The following ANKRD13C variants were observed in gnomAD, a reference collection of about 807,000 sequenced individuals.
ANKRD13C encodes ankyrin repeat domain 13C, also known as ankyrin repeat domain-containing protein 13C.
ANKRD13C carries 16 observed loss-of-function variants against 65.5 expected under a neutral mutation model. The ratio of observed to expected loss-of-function variants is 0.24; its 90% CI spans 0.17 to 0.37. ANKRD13C has a LOEUF of 0.37. ANKRD13C is among the 10% of genes least tolerant of loss of function. ANKRD13C has a pLI of 1.00. For synonymous variants in ANKRD13C, 235 were observed against 238.7 expected, an observed-to-expected ratio of 0.98 and a Z score of 0.14; for missense variants, 503 against 655.9, an observed-to-expected ratio of 0.77 and a Z score of 2.55.
chr1:70,318,190 G>A (rs1460674726), intron 3 of ANKRD13C, among the ~76,000 whole-genome samples: 1 of 152,160 alleles, frequency 6.6e-6, no homozygotes, highest in Non-Finnish European at 1.5e-5. Flanking sequence ...ATCAGTATTT[G>A]TATTCCCATA....
chr1:70,268,180 C>G (rs1370577170), intron 12 of ANKRD13C, among the ~76,000 whole-genome samples: 2 of 151,616 alleles, frequency 1.3e-5, no homozygotes, highest in African/African-American at 4.9e-5. Context: ...TTCCCCGCCC[C>G]CACCTTGAGA....
At chr1:70,323,372 C>T (rs893630753) in intron 3 of ANKRD13C, among the ~76,000 whole-genome samples, 4 of 152,094 alleles carry the variant, frequency 2.6e-5, no homozygotes, top group African/African-American at 4.8e-5. Context: ...AGGCTGAGCA[C>T]GGTGGCTCAT....
intron 12 of ANKRD13C, among the ~76,000 whole-genome samples, chr1:70,267,433 G>T (rs147937941): frequency 8.2e-4 from 125 of 152,086 alleles, no homozygotes; most frequent in African/African-American, 2.9e-3. Flanking sequence ...ACAGTGGCGC[G>T]ATCTTGGCTC....
In ANKRD13C at chr1:70,334,821, G is replaced by A. The variant is rs113851066; in HGVS notation, c.472+1237C>T. Among the ~76,000 whole-genome samples, 825 of 151,816 alleles carry A rather than the reference G, an allele frequency of 5.4e-3. 9 individuals are homozygous for A. The highest frequency in any genetic ancestry group is 0.019 in the African/African-American group (782 of 41,410). On this transcript the variant is annotated intron_variant, in intron 2 of 12. Coordinates refer to ENST00000370944, the MANE Select transcript of ANKRD13C (RefSeq NM_030816.5). ...CTCCGGAGGCTGAGGCAGGAGAGTC[G>A]CTTGAACCTGGGAGGCAGAGATTGT...
intron 2 of ANKRD13C, among the ~76,000 whole-genome samples, chr1:70,326,043 C>G (rs999396112): frequency 6.6e-6 from 1 of 151,602 alleles, no homozygotes; most frequent in Non-Finnish European, 1.5e-5. Flanking sequence ...ACCAGCCTAG[C>G]CAACATGGAG....
At chr1:70,325,092 T>C (rs1284490623) in intron 2 of ANKRD13C, 135 bp from the exon 3 acceptor site, 3 of 550,134 alleles carry the variant, frequency 5.5e-6, no homozygotes, top group Non-Finnish European at 8.6e-6. Context: ...AATTATGTAA[T>C]TTGAAAAATT....
In ANKRD13C at chr1:70,274,199, C is replaced by T. The variant is rs187768574; in HGVS notation, c.1394+521G>A. ...TAATTTAAAAACCTACTCGGCTGGGCGTGGTGGCTCACGCCTGTAATCCCA... is the reference window on the plus strand; with the variant it reads ...TAATTTAAAAACCTACTCGGCTGGGTGTGGTGGCTCACGCCTGTAATCCCA... On this transcript the variant is annotated intron_variant, in intron 11 of 12. Coordinates refer to ENST00000370944, the MANE Select transcript of ANKRD13C (RefSeq NM_030816.5). Among the ~76,000 whole-genome samples the T allele has an allele frequency of 5.3e-5, 8 of 151,244 alleles. No individual in the cohort carries two copies. In the East Asian group the frequency reaches 9.9e-4, roughly 19 times the overall value.
intron 3 of ANKRD13C, among the ~76,000 whole-genome samples, chr1:70,315,944 T>C (rs1316507717): frequency 1.3e-5 from 2 of 152,216 alleles, no homozygotes; most frequent in Non-Finnish European, 2.9e-5. Context: ...ACTAGTTTTT[T>C]AATTATCAGT....
At chr1:70,339,152 G>C (rs992523426) in intron 1 of ANKRD13C, among the ~76,000 whole-genome samples, 3 of 150,098 alleles carry the variant, frequency 2.0e-5, no homozygotes, top group Non-Finnish European at 3.0e-5. Context: ...AGAGGTTGCA[G>C]TAAGCCGAGA....
chr1:70,275,965 A>G (rs1208991270), intron 10 of ANKRD13C, among the ~76,000 whole-genome samples: 2 of 150,222 alleles, frequency 1.3e-5, no homozygotes, highest in Non-Finnish European at 3.0e-5. Flanking sequence ...CCATCTCAAA[A>G]AAAAAAAAAA....
rs576463708 is a variant in ANKRD13C at position 70,314,795 on chromosome 1, A to G, written c.663+686T>C. 9.3e-4 allele frequency among the ~76,000 whole-genome samples: 142 copies of G among 151,982 alleles called. 1 individual carries two copies. The South Asian group carries it at 0.028, about 30-fold the overall frequency. On this transcript the variant is annotated intron_variant, in intron 4 of 12. Transcript: ENST00000370944. The stretch of plus-strand genomic sequence containing the variant: ...ACAAGCTATCATCATAATCATCATG[A>G]CAGGTCTATCTTTCTCCCACAGTTC...
intron 2 of ANKRD13C, among the ~76,000 whole-genome samples, chr1:70,335,067 CAG>C (rs1681961677): frequency 6.6e-6 from 1 of 151,768 alleles, no homozygotes; most frequent in Non-Finnish European, 1.5e-5. Context: ...AAAATCTTAA[CAG>C]AAGTTCATTA....
chr1:70,270,089 G>C (rs1678812761), intron 12 of ANKRD13C, among the ~76,000 whole-genome samples: 1 of 152,168 alleles, frequency 6.6e-6, no homozygotes, highest in African/African-American at 2.4e-5. Flanking sequence ...CATTGCTTAA[G>C]ATGAAATTAA....
At chr1:70,262,870 A>G (rs1427844827) in intron 12 of ANKRD13C, 23 bp from the exon 13 acceptor site, 3 of 1,599,622 alleles carry the variant, frequency 1.9e-6, no homozygotes, top group East Asian at 4.5e-5. Flanking sequence ...CATCAATGAT[A>G]GCATTGTAAA....
chr1:70,291,904 A>G (rs924904310), intron 9 of ANKRD13C, among the ~76,000 whole-genome samples: 242 of 152,220 alleles, frequency 1.6e-3, no homozygotes, highest in African/African-American at 5.6e-3. Flanking sequence ...AGATCACTTG[A>G]GGTCAGGAGT....
Position 70,323,420 on chromosome 1 carries a change from G to A in ANKRD13C, c.577+1433C>T, listed in dbSNP as rs1215559598. Among the ~76,000 whole-genome samples the A allele has an allele frequency of 2.0e-5, 3 of 152,002 alleles. No individual in the cohort carries two copies. In the East Asian group the frequency reaches 5.9e-4, roughly 30 times the overall value. On this transcript the variant is annotated intron_variant, in intron 3 of 12. Coordinates refer to ENST00000370944, the MANE Select transcript of ANKRD13C (RefSeq NM_030816.5). The stretch of plus-strand genomic sequence containing the variant: ...AGCACTTTGGGAGGCCAAGGTGGGC[G>A]GATCACGTGGTCAGGAGTTTAAGAC...
At chr1:70,276,955 A>G (rs1385332931) in intron 9 of ANKRD13C, 111 bp from the exon 10 acceptor site, 1 of 849,738 alleles carries the variant, frequency 1.2e-6, no homozygotes, top group African/African-American at 1.7e-5. Flanking sequence ...AATCTACTTA[A>G]TCTCTTCAAT....
intron 9 of ANKRD13C, among the ~76,000 whole-genome samples, chr1:70,277,848 G>T (rs920293142): frequency 6.6e-6 from 1 of 152,036 alleles, no homozygotes; most frequent in Non-Finnish European, 1.5e-5. Flanking sequence ...ATCACTATAA[G>T]ATGAACTGGC....
intron 1 of ANKRD13C, among the ~76,000 whole-genome samples, chr1:70,345,081 TTAA>T (rs1331183923): frequency 9.9e-5 from 15 of 152,186 alleles, no homozygotes; most frequent in African/African-American, 3.4e-4. Context: ...TGGGAGTATT[TTAA>T]TAACCTTTTC....
Sources: gnomAD v4.1 joint callset for allele counts (sites outside exome capture counted in the v4.1 genomes callset) on GRCh38, gnomAD v4.1.1 for gene constraint, MANE v1.5 for transcripts, NCBI Gene and HGNC (gene_info 2026-07-23, HGNC 2026-07-21) for gene names.